SCFD1: variants seen among roughly 807,000 people sequenced by gnomAD.
The protein encoded by SCFD1 is sec1 family domain-containing protein 1.
In SCFD1, 37 loss-of-function variants were observed where a neutral mutation model predicts 103.2. The ratio of observed to expected loss-of-function variants is 0.36; its 90% CI spans 0.28 to 0.47. The LOEUF (loss-of-function observed/expected upper bound fraction) is 0.47. Among genes scored for constraint, SCFD1 ranks in the 20% least tolerant of loss-of-function variants. The pLI is 1.00. For missense variants in SCFD1, 639 were observed against 761.2 expected (o/e 0.84, Z 1.89); for synonymous variants, 264 against 245.0 (o/e 1.08, Z -0.73).
chr14:30,663,338 AAT>A (rs1566609696), intron 10 of SCFD1, among the ~76,000 whole-genome samples: 1 of 152,184 alleles, frequency 6.6e-6, no homozygotes, highest in East Asian at 1.9e-4. Context: ...GTTTCTCTTC[AAT>A]ATCTTTTATT....
intron 7 of SCFD1, among the ~76,000 whole-genome samples, chr14:30,644,759 G>A (rs28860821): frequency 0.037 from 5,583 of 151,920 alleles, 323 homozygotes; most frequent in African/African-American, 0.12. Context: ...CATAGTTTGC[G>A]AATATTTTTT....
intron 21 of SCFD1, among the ~76,000 whole-genome samples, 195 bp downstream of exon 21, chr14:30,719,572 A>G (rs551870230): frequency 6.6e-6 from 1 of 152,288 alleles, no homozygotes; most frequent in South Asian, 2.1e-4. Flanking sequence ...TTCCTTCCAC[A>G]TATACACACA....
intron 4 of SCFD1, among the ~76,000 whole-genome samples, chr14:30,636,577 A>C (rs532359577): frequency 3.3e-5 from 5 of 152,158 alleles, no homozygotes; most frequent in South Asian, 2.1e-4. Flanking sequence ...GTTCTATTGC[A>C]TTGATATCTA....
chr14:30,645,503 T>G (rs997350490), intron 7 of SCFD1, among the ~76,000 whole-genome samples: 1 of 152,210 alleles, frequency 6.6e-6, no homozygotes, highest in Admixed American at 6.5e-5. Flanking sequence ...ATCTCTGATT[T>G]CTTTTCGTTT....
chr14:30,638,592 G>T (rs1171009423), intron 5 of SCFD1, among the ~76,000 whole-genome samples: 1 of 152,080 alleles, frequency 6.6e-6, no homozygotes, highest in African/African-American at 2.4e-5. Flanking sequence ...TGTTGACATT[G>T]TTTTATCTGT....
chr14:30,643,698 A>C (rs1206793085), intron 7 of SCFD1, among the ~76,000 whole-genome samples: 1 of 152,062 alleles, frequency 6.6e-6, no homozygotes, highest in Admixed American at 6.6e-5. Flanking sequence ...GTGCCTGTTA[A>C]TTTTCTTTTA....
intron 7 of SCFD1, among the ~76,000 whole-genome samples, chr14:30,649,178 A>G (rs1388358141): frequency 6.6e-6 from 1 of 152,046 alleles, no homozygotes; most frequent in African/African-American, 2.4e-5. Context: ...AAATCCTTTT[A>G]TGTGAGCTTG....
chr14:30,649,135 A>G (rs1444970183), intron 7 of SCFD1, among the ~76,000 whole-genome samples: 1 of 152,118 alleles, frequency 6.6e-6, no homozygotes, highest in African/African-American at 2.4e-5. Flanking sequence ...GGGAAGGTTC[A>G]TTTCTGAAAC....
intron 10 of SCFD1, among the ~76,000 whole-genome samples, chr14:30,658,637 C>A (rs958308253): frequency 1.3e-5 from 2 of 152,180 alleles, no homozygotes; most frequent in African/African-American, 4.8e-5. Flanking sequence ...AGGTGATCCA[C>A]CTGCCTCAGC....
At chr14:30,733,172 G>A (rs970314819) in intron 23 of SCFD1, among the ~76,000 whole-genome samples, 2 of 151,942 alleles carry the variant, frequency 1.3e-5, no homozygotes, top group Non-Finnish European at 2.9e-5. Context: ...ACCACACCTG[G>A]CTAATTTTTG....
Position 30,650,570 on chromosome 14 carries a change from A to T in SCFD1, c.675A>T (p.Leu225=), listed in dbSNP as rs140280620. The part of the protein sequence containing the change: ...GTAAEMVAVK[L]DKKLRENLRD... ...TCTAAAATTTTATTTTTCAGAAACTAGACAAGAAACTTCGAGAAAATCTAA... is the reference window on the plus strand; with the variant it reads ...TCTAAAATTTTATTTTTCAGAAACTTGACAAGAAACTTCGAGAAAATCTAA... Residue 225 remains leucine, a synonymous_variant, in exon 9 of 25, where the codon CTA becomes CTT. Coordinates refer to ENST00000458591, the MANE Select transcript of SCFD1 (RefSeq NM_016106.4). 5.1e-5 allele frequency: 81 copies of T among 1,591,676 alleles called. No homozygotes were observed. The African/African-American group carries it at 6.6e-4, about 13-fold the overall frequency.
At chr14:30,630,315 T>C (rs529177377) in intron 2 of SCFD1, among the ~76,000 whole-genome samples, 162 bp from the exon 3 acceptor site, 5 of 152,252 alleles carry the variant, frequency 3.3e-5, no homozygotes, top group African/African-American at 1.2e-4. Context: ...ATAGGTTCAC[T>C]ATTGGTTGTT....
chr14:30,690,249 T>G (rs1239729509), intron 14 of SCFD1, among the ~76,000 whole-genome samples: 1 of 13,754 alleles, frequency 7.3e-5, no homozygotes, highest in Non-Finnish European at 1.1e-4. Flanking sequence ...CTGCAGAGGT[T>G]ACTGCTGTCT....
At chr14:30,700,161 T>C in intron 15 of SCFD1, 27 bp from the exon 16 acceptor site, 2 of 1,518,392 alleles carry the variant, frequency 1.3e-6, no homozygotes, top group Non-Finnish European at 1.8e-6. Context: ...TATGAAAATA[T>C]TTTTTAACCT....
chr14:30,712,472 G>A (rs1891953032), intron 19 of SCFD1, among the ~76,000 whole-genome samples: 1 of 152,024 alleles, frequency 6.6e-6, no homozygotes, highest in Admixed American at 6.6e-5. Flanking sequence ...TCCCTATTTT[G>A]GTTATAGAAC....
At position 30,622,340 on chromosome 14, in the gene SCFD1, T is replaced by TGGC. The variant is rs747473312; in HGVS notation, c.15_17dup (p.Ala7dup). The stretch of plus-strand genomic sequence containing the variant: ...GGGCAGTGGCTCGTGGGAGCCAAGA[T>TGGC]GGCGGCGGCGGCGGCAGCGACAGCA... On this transcript the variant is annotated inframe_insertion, in exon 1 of 25. Coordinates refer to ENST00000458591, the MANE Select transcript of SCFD1 (RefSeq NM_016106.4). 124 of 1,576,558 alleles carry TGGC rather than the reference T, an allele frequency of 7.9e-5. 1 individual carries two copies. In the Middle Eastern group the frequency reaches 1.3e-3, roughly 17 times the overall value.
intron 10 of SCFD1, among the ~76,000 whole-genome samples, chr14:30,658,796 A>G (rs188041377): frequency 1.3e-5 from 2 of 152,350 alleles, no homozygotes; most frequent in East Asian, 3.8e-4. Flanking sequence ...GCCTAGATAT[A>G]GTTCAAGATT....
At chr14:30,668,703 G>GA (rs1004756132) in intron 10 of SCFD1, among the ~76,000 whole-genome samples, 5 of 152,092 alleles carry the variant, frequency 3.3e-5, no homozygotes, top group African/African-American at 9.7e-5. Flanking sequence ...AAATTTACAA[G>GA]AAAAAAATCA....
At chr14:30,659,173 GTTTTTT>G (rs542816136) in intron 10 of SCFD1, among the ~76,000 whole-genome samples, 1 of 116,408 alleles carries the variant, frequency 8.6e-6, no homozygotes, top group African/African-American at 3.1e-5. Flanking sequence ...AGCTGCTATA[GTTTTTT>G]TTTTTTTTTT....
Sources: allele counts gnomAD v4.1 joint callset (sites outside exome capture counted in the v4.1 genomes callset), GRCh38; gene constraint gnomAD v4.1.1; transcripts MANE v1.5; gene names NCBI Gene and HGNC (gene_info 2026-07-23, HGNC 2026-07-21).